Variants in LDHAL6A observed in about 807,000 individuals in gnomAD.
LDHAL6A encodes lactate dehydrogenase A like 6A.
LDHAL6A carries 19 observed loss-of-function variants against 28.2 expected under a neutral mutation model. The ratio of observed to expected loss-of-function variants is 0.67; its 90% CI spans 0.47 to 0.99. LDHAL6A has a LOEUF of 0.99. LDHAL6A is among the 50% of genes least tolerant of loss of function. The pLI is 0.00. For synonymous variants in LDHAL6A, 144 were observed against 134.4 expected (o/e 1.07, Z -0.49); for missense variants, 372 against 398.6 (o/e 0.93, Z 0.57).
In LDHAL6A at chr11:18,456,454, C is replaced by T; in HGVS notation, c.-227C>T. The T allele has an allele frequency of 1.9e-6, 1 of 517,438 alleles. No individual in the cohort carries two copies. Among genetic ancestry groups the T allele is most frequent in the South Asian group, 2.3e-5 (1 of 43,908 alleles). 32.1% of individuals were successfully genotyped at this position (517,438 alleles called of 1,614,324 possible). ...CTTAACTGTACTCACGCTTCCTTCT[C>T]CTTCCCCTGGTCCGCTTCATGGATG... is the stretch of plus-strand genomic sequence containing the variant. On this transcript the variant is annotated 5_prime_UTR_variant, in exon 1 of 7. Coordinates refer to ENST00000280706, the MANE Select transcript of LDHAL6A (RefSeq NM_144972.5).
chr11:18,467,186 A>G (rs1327941473), intron 3 of LDHAL6A, among the ~76,000 whole-genome samples: 1 of 152,246 alleles, frequency 6.6e-6, no homozygotes, highest in Non-Finnish European at 1.5e-5. Context: ...TTCTCTGTGC[A>G]GACCAACAGT....
intron 6 of LDHAL6A, among the ~76,000 whole-genome samples, chr11:18,478,416 C>T (rs528384080): frequency 5.9e-5 from 9 of 152,102 alleles, no homozygotes; most frequent in East Asian, 5.8e-4. Flanking sequence ...TTCTGTCGGC[C>T]GGGCGTGGTG....
intron 5 of LDHAL6A, 128 bp from the exon 6 acceptor site, chr11:18,477,492 C>A: frequency 1.3e-6 from 1 of 792,842 alleles, no homozygotes; most frequent in Non-Finnish European, 1.9e-6. Flanking sequence ...ATACATACTA[C>A]AAGTAATTTC....
In LDHAL6A at chr11:18,468,928, T is replaced by C. The variant is rs531309884; in HGVS notation, c.418+3118T>C. 1.1e-4 allele frequency: 39 copies of C among 344,138 alleles called. 3 individuals are homozygous for C. In the South Asian group the frequency reaches 4.9e-3, roughly 43 times the overall value. The allele number at this position is 344,138 out of a possible 1,614,324, so 21.3% of individuals were successfully genotyped here. A position where few individuals can be genotyped will look rare whatever the true frequency, so the allele number is the denominator to read the frequency against. On this transcript the variant is annotated intron_variant, in intron 3 of 6. Transcript: ENST00000280706. ...AGGCTATTGGTATAAGCATTTCCTC[T>C]TTTAAGAGTTTGATTCTTTAAAAAA...
rs1215654152 is a variant in LDHAL6A at position 18,463,858 on chromosome 11, T to A, written c.127-103T>A. The A allele has an allele frequency of 4.3e-5, 31 of 719,042 alleles. 1 individual carries two copies. The highest frequency in any genetic ancestry group is 7.7e-5 in the Non-Finnish European group (31 of 403,516). The allele number at this position is 719,042 out of a possible 1,614,324, so 44.5% of individuals were successfully genotyped here. A position where few individuals can be genotyped will look rare whatever the true frequency, so the allele number is the denominator to read the frequency against. ...TTTATTATGTTTCCTTTGATTTTGA[T>A]AATTCACAAGCTAGACATAGATCAC... is the stretch of plus-strand genomic sequence containing the variant. On this transcript the variant is annotated intron_variant, in intron 1 of 6. Transcript: ENST00000280706.
At chr11:18,460,720 A>G (rs1312851320) in intron 1 of LDHAL6A, among the ~76,000 whole-genome samples, 1 of 152,108 alleles carries the variant, frequency 6.6e-6, no homozygotes, top group African/African-American at 2.4e-5. Flanking sequence ...TGAATGTGCC[A>G]CTGTACTCCA....
At chr11:18,477,846 C>G (rs567530127) in intron 6 of LDHAL6A, 103 bp downstream of exon 6, 1 of 1,029,870 alleles carries the variant, frequency 9.7e-7, no homozygotes, top group African/African-American at 1.6e-5. Flanking sequence ...GTGGGAAGCA[C>G]CTCTCTTCCT....
chr11:18,462,789 C>G (rs1848960459), intron 1 of LDHAL6A, among the ~76,000 whole-genome samples: 1 of 151,466 alleles, frequency 6.6e-6, no homozygotes, highest in Admixed American at 6.6e-5. Flanking sequence ...GCCGAGATTG[C>G]ACCACTGCAC....
At chr11:18,471,913 A>C (rs1849266353) in intron 3 of LDHAL6A, among the ~76,000 whole-genome samples, 1 of 151,894 alleles carries the variant, frequency 6.6e-6, no homozygotes, top group Non-Finnish European at 1.5e-5. Context: ...ACATGAACTA[A>C]ATGACCAAAT....
chr11:18,468,066 T>TATATATAC (rs2133878986), intron 3 of LDHAL6A, among the ~76,000 whole-genome samples: 1 of 118,826 alleles, frequency 8.4e-6, no homozygotes, highest in African/African-American at 3.2e-5. Context: ...TATATACATA[T>TATATATAC]ATATATATAT....
chr11:18,467,890 T>C lies in LDHAL6A; in HGVS notation c.418+2080T>C, dbSNP rs1403841945. Among the ~76,000 whole-genome samples, 344 of 64,988 alleles carry C rather than the reference T, an allele frequency of 5.3e-3. 32 individuals carry two copies. The highest frequency in any genetic ancestry group is 0.01 in the East Asian group (13 of 1,252). The allele number at this position is 64,988 out of a possible 152,430, so 42.6% of individuals were successfully genotyped here. ...ATATATATATACACACATATATATA[T>C]ATATATATATATATATATATATATA... On this transcript the variant is annotated intron_variant, in intron 3 of 6. Transcript: ENST00000280706.
intron 1 of LDHAL6A, among the ~76,000 whole-genome samples, chr11:18,458,024 T>C (rs1848803971): frequency 6.6e-6 from 1 of 152,176 alleles, no homozygotes; most frequent in African/African-American, 2.4e-5. Context: ...AAAGATTTAT[T>C]TATCACCTCT....
At chr11:18,463,602 G>A (rs1345413103) in intron 1 of LDHAL6A, among the ~76,000 whole-genome samples, 1 of 152,186 alleles carries the variant, frequency 6.6e-6, no homozygotes, top group Non-Finnish European at 1.5e-5. Context: ...TGACTTCCTA[G>A]TCTCAAGAAG....
intron 3 of LDHAL6A, among the ~76,000 whole-genome samples, chr11:18,468,100 C>T (rs574391730): frequency 7.2e-6 from 1 of 138,372 alleles, no homozygotes; most frequent in African/African-American, 2.8e-5. Flanking sequence ...GGATCTTTAG[C>T]ATTTCCATAT....
Position 18,476,431 on chromosome 11 carries a change from C to G in LDHAL6A, c.640C>G (p.Leu214Val), listed in dbSNP as rs1015297727. The change falls in exon 5 of 7, where the codon CTG (leucine) becomes GTG (valine). Residue 214 changes from leucine to valine, a missense_variant. By Grantham distance (32) the Leu-to-Val change is conservative. Around this residue, in one of 3 missense-constraint regions of LDHAL6A, gnomAD observed 291 missense variants for 302.9 expected, o/e 0.96. Coordinates refer to ENST00000280706, the MANE Select transcript of LDHAL6A (RefSeq NM_144972.5). ...CATTGCTGGCGTCCCTCTGAAGGAT[C>G]TGAACCCAGATATAGGAACTGATAA... ...VNIAGVPLKDLNPDIGTDKDP... is the reference protein window; with the variant it reads ...VNIAGVPLKDVNPDIGTDKDP... 1 of 1,614,094 alleles carries G rather than the reference C, an allele frequency of 6.2e-7. No individual in the cohort carries two copies. Among genetic ancestry groups the G allele is most frequent in the African/African-American group, 1.3e-5 (1 of 75,046 alleles).
At chr11:18,462,145 C>T (rs917036581) in intron 1 of LDHAL6A, among the ~76,000 whole-genome samples, 2 of 152,060 alleles carry the variant, frequency 1.3e-5, no homozygotes, top group Non-Finnish European at 2.9e-5. Context: ...TGTACTCCTA[C>T]CTGGGGGACA....
Position 18,456,568 on chromosome 11 carries a change from G to T in LDHAL6A, c.-113G>T, listed in dbSNP as rs1282366084. On this transcript the variant is annotated 5_prime_UTR_variant, in exon 1 of 7. Transcript: ENST00000280706. ...GTCTGCAGCACCTCCTTCCACACGG[G>T]CCCAGGAGTTCTCTATACGCGCTCT... 1 of 903,564 alleles carries T rather than the reference G, an allele frequency of 1.1e-6. No homozygotes were observed. 56.0% of individuals were successfully genotyped at this position (903,564 alleles called of 1,614,324 possible). A position where few individuals can be genotyped will look rare whatever the true frequency, so the allele number is the denominator to read the frequency against.
chr11:18,466,855 TAGACTTCGG>T (rs1337393506), intron 3 of LDHAL6A, among the ~76,000 whole-genome samples: 2 of 152,096 alleles, frequency 1.3e-5, no homozygotes, highest in Non-Finnish European at 2.9e-5. Context: ...AAACTGAAAA[TAGACTTCGG>T]AGATAAAATG....
intron 3 of LDHAL6A, among the ~76,000 whole-genome samples, chr11:18,474,132 T>G (rs1849311894): frequency 6.6e-6 from 1 of 151,994 alleles, no homozygotes; most frequent in South Asian, 2.1e-4. Context: ...CAGGCTGGAG[T>G]GCAATGGTGT....
Sources: allele counts gnomAD v4.1 joint callset (sites outside exome capture counted in the v4.1 genomes callset), GRCh38; gene constraint gnomAD v4.1.1; regional missense constraint gnomAD v4.1.1; transcripts MANE v1.5; gene names NCBI Gene and HGNC (gene_info 2026-07-23, HGNC 2026-07-21).